GPR158: variants seen among roughly 807,000 people sequenced by gnomAD.
GPR158 encodes the protein metabotropic glycine receptor.
In GPR158, 30 loss-of-function variants were observed where a neutral mutation model predicts 78.2. That is an observed-to-expected ratio of 0.38 (90% CI 0.29 to 0.52). The LOEUF is 0.52. Among genes scored for constraint, GPR158 ranks in the 20% least tolerant of loss-of-function variants. GPR158 has a pLI of 0.83. For missense variants in GPR158, 1,463 were observed against 1,523.5 expected (o/e 0.96, Z 0.66); for synonymous variants, 581 against 591.1 (o/e 0.98, Z 0.25).
At chr10:25,420,139 A>G (rs1588854339) in intron 4 of GPR158, among the ~76,000 whole-genome samples, 1 of 151,928 alleles carries the variant, frequency 6.6e-6, no homozygotes, top group South Asian at 2.1e-4. Context: ...GGGTCTTTTG[A>G]AGCCCCAAAG....
In GPR158 at chr10:25,256,328, C is replaced by G. The variant is rs117046506; in HGVS notation, c.1008+35171C>G. 4.9e-3 allele frequency among the ~76,000 whole-genome samples: 742 copies of G among 152,314 alleles called. 6 individuals carry two copies. Among genetic ancestry groups the G allele is most frequent in the Non-Finnish European group, 6.9e-3 (466 of 68,018 alleles). On this transcript the variant is annotated intron_variant, in intron 2 of 10. Coordinates refer to ENST00000376351, the MANE Select transcript of GPR158 (RefSeq NM_020752.3). Reference sequence around the variant, plus strand: ...GTGCAATTCAATATACCTTATCATGCATTCCACATGGTAGAAACTGATCTT... The same window carrying G: ...GTGCAATTCAATATACCTTATCATGGATTCCACATGGTAGAAACTGATCTT...
intron 2 of GPR158, among the ~76,000 whole-genome samples, chr10:25,299,889 T>C (rs1854566642): frequency 6.6e-6 from 1 of 152,128 alleles, no homozygotes; most frequent in South Asian, 2.1e-4. Context: ...TGCGGTATCA[T>C]GATCTCAGCT....
chr10:25,314,029 G>A (rs1322403266), intron 2 of GPR158, among the ~76,000 whole-genome samples: 2 of 151,952 alleles, frequency 1.3e-5, no homozygotes, highest in African/African-American at 2.4e-5. Context: ...ATTTTAAAAC[G>A]TTTTATTATT....
At chr10:25,562,495 T>C (rs1279476962) in intron 6 of GPR158, among the ~76,000 whole-genome samples, 1 of 152,218 alleles carries the variant, frequency 6.6e-6, no homozygotes, top group Non-Finnish European at 1.5e-5. Context: ...TCCATTTATG[T>C]CAGCTTATCT....
chr10:25,365,813 G>C (rs1855713577), intron 2 of GPR158, among the ~76,000 whole-genome samples: 1 of 151,554 alleles, frequency 6.6e-6, no homozygotes, highest in Non-Finnish European at 1.5e-5. Flanking sequence ...TTGTCACAAA[G>C]AGAACGTACT....
chr10:25,380,262 A>G (rs1452087476), intron 2 of GPR158, among the ~76,000 whole-genome samples: 5 of 152,062 alleles, frequency 3.3e-5, no homozygotes, highest in Non-Finnish European at 7.4e-5. Context: ...TCCCTCACCA[A>G]ACAGTAATCA....
chr10:25,451,726 ATTTG>A (rs550800978), intron 4 of GPR158, among the ~76,000 whole-genome samples: 159 of 152,090 alleles, frequency 1.0e-3, no homozygotes, highest in African/African-American at 3.8e-3. Flanking sequence ...CGTACCTACT[ATTTG>A]TTGTGAGGGT....
intron 2 of GPR158, among the ~76,000 whole-genome samples, chr10:25,367,565 A>G (rs977896307): frequency 6.6e-6 from 1 of 151,802 alleles, no homozygotes; most frequent in Non-Finnish European, 1.5e-5. Context: ...ATTCTGACAA[A>G]TGGAAATCTT....
intron 4 of GPR158, among the ~76,000 whole-genome samples, chr10:25,413,108 GCCAGGAGTTTGAGA>G (rs1302401874): frequency 6.6e-6 from 1 of 152,062 alleles, no homozygotes. Flanking sequence ...ATTGCTTGAG[GCCAGGAGTTTGAGA>G]CCAGCCTGAC....
intron 1 of GPR158, among the ~76,000 whole-genome samples, chr10:25,182,391 T>C (rs1271205879): frequency 1.3e-5 from 2 of 152,200 alleles, no homozygotes; most frequent in Non-Finnish European, 2.9e-5. Flanking sequence ...ACTTACTTTT[T>C]AAAAACAACC....
intron 2 of GPR158, among the ~76,000 whole-genome samples, chr10:25,305,939 C>A (rs1361234284): frequency 6.6e-6 from 1 of 152,152 alleles, no homozygotes; most frequent in Non-Finnish European, 1.5e-5. Flanking sequence ...TAAGTTATTA[C>A]AAGCAATTAA....
At chr10:25,392,760 CATG>C (rs1405285132) in intron 2 of GPR158, among the ~76,000 whole-genome samples, 5 of 151,898 alleles carry the variant, frequency 3.3e-5, no homozygotes, top group Non-Finnish European at 2.9e-5. Flanking sequence ...GCGAGGGAAT[CATG>C]GTGGTGGGTA....
At chr10:25,466,590 C>T (rs958596124) in intron 4 of GPR158, 61 bp from the exon 5 acceptor site, 3 of 1,040,526 alleles carry the variant, frequency 2.9e-6, no homozygotes, top group Admixed American at 4.1e-5. Context: ...TTCACAATAG[C>T]GTGAATTCTC....
At chr10:25,386,695 T>C (rs938820212) in intron 2 of GPR158, among the ~76,000 whole-genome samples, 2 of 152,198 alleles carry the variant, frequency 1.3e-5, no homozygotes, top group Admixed American at 1.3e-4. Context: ...TTTTATTCTT[T>C]TTGATATTTT....
intron 2 of GPR158, among the ~76,000 whole-genome samples, chr10:25,379,441 A>G (rs1416033859): frequency 6.6e-6 from 1 of 152,148 alleles, no homozygotes; most frequent in Non-Finnish European, 1.5e-5. Flanking sequence ...ACTAGTTTTT[A>G]TTCACTCTTA....
chr10:25,386,607 G>A (rs914376999), intron 2 of GPR158, among the ~76,000 whole-genome samples: 15 of 151,906 alleles, frequency 9.9e-5, no homozygotes, highest in African/African-American at 3.1e-4. Flanking sequence ...ACTTATTTAT[G>A]TCTTTTAACA....
chr10:25,261,623 A>G (rs1853969329), intron 2 of GPR158, among the ~76,000 whole-genome samples: 1 of 152,194 alleles, frequency 6.6e-6, no homozygotes, highest in Non-Finnish European at 1.5e-5. Context: ...GGCTTAGCAC[A>G]GAAAATGATG....
intron 4 of GPR158, among the ~76,000 whole-genome samples, chr10:25,448,016 C>T (rs1236861860): frequency 6.6e-6 from 1 of 151,998 alleles, no homozygotes; most frequent in Non-Finnish European, 1.5e-5. Context: ...CATAGATTAG[C>T]TCTGCTTGTC....
At chr10:25,180,973 A>T (rs563518579) in intron 1 of GPR158, among the ~76,000 whole-genome samples, 1 of 152,302 alleles carries the variant, frequency 6.6e-6, no homozygotes, top group East Asian at 1.9e-4. Flanking sequence ...TGATTCACTG[A>T]CTGCCTGAGT....
Sources: allele counts gnomAD v4.1 joint callset (sites outside exome capture counted in the v4.1 genomes callset), GRCh38; gene constraint gnomAD v4.1.1; transcripts MANE v1.5; gene names NCBI Gene and HGNC (gene_info 2026-07-23, HGNC 2026-07-21).